The following ITGB7 variants were observed in gnomAD, a reference collection of about 807,000 sequenced individuals.
ITGB7 encodes integrin beta-7.
In ITGB7, 55 loss-of-function variants were observed where a neutral mutation model predicts 83.4. The observed-to-expected ratio is 0.66, with a 90% CI of 0.53 to 0.83. The LOEUF is 0.83. Among genes scored for constraint, ITGB7 ranks in the 40% least tolerant of loss-of-function variants. ITGB7 has a pLI of 0.00. For missense variants in ITGB7, 921 were observed against 1,046.7 expected (o/e 0.88, Z 1.66); for synonymous variants, 454 against 423.6 (o/e 1.07, Z -0.88).
In ITGB7 at chr12:53,197,723, G is replaced by C. The variant is rs759298347; in HGVS notation, c.403+27C>G. 12 of 1,589,996 alleles carry C rather than the reference G, an allele frequency of 7.5e-6. No homozygotes were observed. In the East Asian group the frequency reaches 2.3e-4, roughly 31 times the overall value. Reference sequence around the variant, plus strand: ...CATTGGAACGCCAGCCTAGACCTCTGGCCTGGCCCCGCCTCCCCTAACTCA... The same window carrying C: ...CATTGGAACGCCAGCCTAGACCTCTCGCCTGGCCCCGCCTCCCCTAACTCA... On this transcript the variant is annotated intron_variant, in intron 4 of 15. Coordinates refer to ENST00000267082, the MANE Select transcript of ITGB7 (RefSeq NM_000889.3).
intron 3 of ITGB7, among the ~76,000 whole-genome samples, chr12:53,198,518 A>G (rs1942243158): frequency 2.0e-5 from 3 of 151,728 alleles, no homozygotes; most frequent in African/African-American, 7.3e-5. Context: ...AGCCTCCCAA[A>G]GTACTGGGAT....
Position 53,196,599 on chromosome 12 carries a change from G to A in ITGB7, c.796C>T (p.Leu266=), listed in dbSNP as rs760724926. 1.2e-6 allele frequency: 2 copies of A among 1,613,382 alleles called. No individual in the cohort carries two copies. The highest frequency in any genetic ancestry group is 1.7e-6 in the Non-Finnish European group (2 of 1,179,440). ...CTCACCTGGCAGAGTGCAGCCTGCAGAATGGCATCGAAGCCACCTTCAGGC... is the reference window on the plus strand; with the variant it reads ...CTCACCTGGCAGAGTGCAGCCTGCAAAATGGCATCGAAGCCACCTTCAGGC... The part of the protein sequence containing the change: ...DSPEGGFDAI[L]QAALCQEQIG... Residue 266 remains leucine, a synonymous_variant, in exon 6 of 16, where the codon CTG becomes TTG. Transcript: ENST00000267082.
chr12:53,204,933 G>A (rs547395191), intron 1 of ITGB7, among the ~76,000 whole-genome samples: 10 of 147,618 alleles, frequency 6.8e-5, no homozygotes, highest in South Asian at 2.1e-4. Context: ...CAAGTGAGTC[G>A]TGTGCCTCAT....
At position 53,197,822 on chromosome 12, in the gene ITGB7, G is replaced by A; in HGVS notation, c.331C>T (p.Leu111Phe). 1.3e-6 allele frequency: 2 copies of A among 1,535,792 alleles called. No individual in the cohort carries two copies. Among genetic ancestry groups the A allele is most frequent in the Non-Finnish European group, 1.7e-6 (2 of 1,146,318 alleles). Reference sequence around the variant, plus strand: ...CCCTCTCCGCGGGCGCCCTGGCTGAGCGGCTGGTCCTGCAGCACCTCCTGC... The same window carrying A: ...CCCTCTCCGCGGGCGCCCTGGCTGAACGGCTGGTCCTGCAGCACCTCCTGC... Reference protein sequence around the residue: ...GQQEVLQDQPLSQGARGEGAT... With the variant: ...GQQEVLQDQPFSQGARGEGAT... The change falls in exon 4 of 16, where the codon CTC becomes TTC. Residue 111 changes from leucine (L) to phenylalanine (F), a missense_variant. Leu to Phe is a conservative substitution (Grantham distance 22). Coordinates refer to ENST00000267082, the MANE Select transcript of ITGB7 (RefSeq NM_000889.3).
At chr12:53,192,162 G>A (rs758760422) in intron 14 of ITGB7, 143 bp from the exon 15 acceptor site, 235 of 1,212,366 alleles carry the variant, frequency 1.9e-4, no homozygotes, top group Non-Finnish European at 2.4e-4. Flanking sequence ...TATCCTCACC[G>A]CCCAGGGCCT....
At position 53,197,667 on chromosome 12, in the gene ITGB7, G is replaced by C; in HGVS notation, c.404-4C>G. On this transcript the variant is annotated splice_polypyrimidine_tract_variant and splice_region_variant and intron_variant, in intron 4 of 15. Coordinates refer to ENST00000267082, the MANE Select transcript of ITGB7 (RefSeq NM_000889.3). The stretch of plus-strand genomic sequence containing the variant: ...ACCTGGAGCTGCTGGGGCTCCCCTA[G>C]GGGGTGGGCGGCGGGCGGGTCAGCA... 1 of 1,613,144 alleles carries C rather than the reference G, an allele frequency of 6.2e-7. No homozygotes were observed. Among genetic ancestry groups the C allele is most frequent in the Non-Finnish European group, 8.5e-7 (1 of 1,179,606 alleles).
chr12:53,197,728 G>A (rs1942213696), intron 4 of ITGB7, 22 bp downstream of exon 4: 2 of 1,586,772 alleles, frequency 1.3e-6, no homozygotes, highest in Non-Finnish European at 1.7e-6. Flanking sequence ...CCTCTGGCCT[G>A]GCCCCGCCTC....
intron 1 of ITGB7, among the ~76,000 whole-genome samples, chr12:53,204,456 C>T (rs1942389361): frequency 6.6e-6 from 1 of 150,652 alleles, no homozygotes; most frequent in Admixed American, 6.6e-5. Flanking sequence ...GCTCAGTGAA[C>T]AAAACCATTC....
At chr12:53,199,864 T>C (rs765063068) in intron 3 of ITGB7, among the ~76,000 whole-genome samples, 13 of 152,326 alleles carry the variant, frequency 8.5e-5, no homozygotes, top group South Asian at 2.1e-4. Context: ...TATTTTGTTA[T>C]GGCAGCCCGC....
chr12:53,200,559 A>G (rs1942302066), intron 2 of ITGB7, 113 bp from the exon 3 acceptor site: 4 of 791,052 alleles, frequency 5.1e-6, no homozygotes, highest in Admixed American at 4.7e-5. Context: ...CCAACACTTT[A>G]TCTCCCCTCA....
chr12:53,194,054 A>C (rs1447093807), intron 10 of ITGB7, 144 bp downstream of exon 10: 7 of 1,365,996 alleles, frequency 5.1e-6, no homozygotes, highest in Non-Finnish European at 7.1e-6. Flanking sequence ...GAAGCCACTC[A>C]GACTGCTCCA....
chr12:53,196,914 A>G (rs1942181076), intron 5 of ITGB7, 94 bp from the exon 6 acceptor site: 1 of 1,442,164 alleles, frequency 6.9e-7, no homozygotes, highest in African/African-American at 1.4e-5. Flanking sequence ...GGTGGGGAGG[A>G]CGGTGATGGG....
In ITGB7 at chr12:53,197,913, G is replaced by A. The variant is rs1367396479; in HGVS notation, c.240C>T (p.Cys80=). 1 of 1,544,634 alleles carries A rather than the reference G, an allele frequency of 6.5e-7. No homozygotes were observed. Among genetic ancestry groups the A allele is most frequent in the Non-Finnish European group, 8.7e-7 (1 of 1,153,158 alleles). ...TASGEAEARR[C]ARREELLARG... ...GAGCCAGCAGCTCCTCTCGTCGGGCGCAGCGCCGCGCCTCCGCCTCTCCCG... is the reference window on the plus strand; with the variant it reads ...GAGCCAGCAGCTCCTCTCGTCGGGCACAGCGCCGCGCCTCCGCCTCTCCCG... The change falls in exon 4 of 16, where the codon TGC becomes TGT. Residue 80 remains cysteine (C), a synonymous_variant. Transcript: ENST00000267082.
Position 53,201,746 on chromosome 12 carries a change from A to G in ITGB7, c.-126-552T>C, listed in dbSNP as rs145425262. ...CTTGTAAAAAAGATACTGCAAAGCT[A>G]CAGTGATCAAGACAGCATTGGCTGG... On this transcript the variant is annotated intron_variant, in intron 1 of 15. Transcript: ENST00000267082. 1.4e-3 allele frequency among the ~76,000 whole-genome samples: 213 copies of G among 152,260 alleles called. 1 individual carries two copies. The highest frequency in any genetic ancestry group is 5.0e-3 in the African/African-American group (206 of 41,536).
At chr12:53,193,649 G>T in intron 11 of ITGB7, 59 bp downstream of exon 11, 2 of 1,430,078 alleles carry the variant, frequency 1.4e-6, no homozygotes, top group East Asian at 4.6e-5. Flanking sequence ...GGAGGAATAC[G>T]GGCCAGGGTT....
rs1942205284 is a variant in ITGB7 at position 53,197,483 on chromosome 12, C to G, written c.574+10G>C. The G allele has an allele frequency of 6.2e-7, 1 of 1,614,134 alleles. No individual in the cohort carries two copies. The highest frequency in any genetic ancestry group is 2.2e-5 in the East Asian group (1 of 44,868). On this transcript the variant is annotated intron_variant, in intron 5 of 15. Coordinates refer to ENST00000267082, the MANE Select transcript of ITGB7 (RefSeq NM_000889.3). ...AGGGCTAACAGGGCGGGAGGCAGCG[C>G]TCGGCTCACCAATGCGCACAGAATG...
chr12:53,197,925 C>G lies in ITGB7; in HGVS notation c.228G>C (p.Glu76Asp). The change falls in exon 4 of 16, where the codon GAG becomes GAC. Residue 76 changes from glutamate to aspartate, a missense_variant. Coordinates refer to ENST00000267082, the MANE Select transcript of ITGB7 (RefSeq NM_000889.3). ...CCTCTCGTCGGGCGCAGCGCCGCGCCTCCGCCTCTCCCGACGCGGTGAAGT... is the reference window on the plus strand; with the variant it reads ...CCTCTCGTCGGGCGCAGCGCCGCGCGTCCGCCTCTCCCGACGCGGTGAAGT... Reference protein sequence around the residue: ...QLNFTASGEAEARRCARREEL... With the variant: ...QLNFTASGEADARRCARREEL... 11 of 1,543,212 alleles carry G rather than the reference C, an allele frequency of 7.1e-6. No homozygotes were observed. Among genetic ancestry groups the G allele is most frequent in the Non-Finnish European group, 9.5e-6 (11 of 1,152,188 alleles).
Position 53,197,475 on chromosome 12 carries a change from A to ACCC in ITGB7, c.574+17_574+18insGGG. 6.2e-7 allele frequency: 1 copy of ACCC among 1,613,920 alleles called. No homozygotes were observed. ...AATAGGCAAGGGCTAACAGGGCGGGAGGCAGCGCTCGGCTCACCAATGCGC... is the reference window on the plus strand; with the variant it reads ...AATAGGCAAGGGCTAACAGGGCGGGACCCGGCAGCGCTCGGCTCACCAATGCGC... On this transcript the variant is annotated intron_variant, in intron 5 of 15. Transcript: ENST00000267082.
chr12:53,200,356 C>T lies in ITGB7; in HGVS notation c.88G>A (p.Asp30Asn), dbSNP rs1565707597. The change falls in exon 3 of 16, where the codon GAT becomes AAT. Residue 30 changes from aspartate to asparagine, a missense_variant. By Grantham distance (23) the Asp-to-Asn change is conservative. Coordinates refer to ENST00000267082, the MANE Select transcript of ITGB7 (RefSeq NM_000889.3). ...TGAGGATTCCGCCATTCTGTGGCAT[C>T]CCCTGTGGATGGGATCTTGGCGTCC... ...ELDAKIPSTG[D>N]ATEWRNPHLS... is the part of the protein sequence containing the mutation. 2 of 1,614,062 alleles carry T rather than the reference C, an allele frequency of 1.2e-6. No homozygotes were observed. Among genetic ancestry groups the T allele is most frequent in the East Asian group, 2.2e-5 (1 of 44,888 alleles).
Sources: gnomAD v4.1 joint callset for allele counts (sites outside exome capture counted in the v4.1 genomes callset) on GRCh38, gnomAD v4.1.1 for gene constraint, MANE v1.5 for transcripts, NCBI Gene and HGNC (gene_info 2026-07-23, HGNC 2026-07-21) for gene names.